SCCPDH: variants seen among roughly 807,000 people sequenced by gnomAD.
SCCPDH encodes the protein saccharopine dehydrogenase (putative).
In SCCPDH, 34 loss-of-function variants were observed where a neutral mutation model predicts 51.5. That is an observed-to-expected ratio of 0.66 (90% CI 0.50 to 0.88). SCCPDH has a LOEUF of 0.88. Among genes scored for constraint, SCCPDH ranks in the 40% least tolerant of loss-of-function variants. SCCPDH has a pLI of 0.00. For synonymous variants in SCCPDH, 187 were observed against 191.3 expected, an observed-to-expected ratio of 0.98 and a Z score of 0.19; for missense variants, 464 against 527.1, an observed-to-expected ratio of 0.88 and a Z score of 1.17.
chr1:246,751,807 T>A (rs181078535), intron 5 of SCCPDH, among the ~76,000 whole-genome samples: 5 of 146,416 alleles, frequency 3.4e-5, no homozygotes, highest in African/African-American at 1.0e-4. Flanking sequence ...GGAGTCTCGC[T>A]CTGTCGCCCA....
At chr1:246,764,818 C>T (rs1298855818) in intron 10 of SCCPDH, among the ~76,000 whole-genome samples, 1 of 152,228 alleles carries the variant, frequency 6.6e-6, no homozygotes, top group East Asian at 1.9e-4. Context: ...TTGCCCAAAA[C>T]GTTCAAGAAC....
intron 5 of SCCPDH, among the ~76,000 whole-genome samples, chr1:246,756,289 G>C (rs1027296806): frequency 6.6e-6 from 1 of 152,156 alleles, no homozygotes; most frequent in Non-Finnish European, 1.5e-5. Flanking sequence ...ACTGTTTAGG[G>C]ATGAATTCTT....
chr1:246,750,488 C>G (rs892112192), intron 5 of SCCPDH, among the ~76,000 whole-genome samples: 1 of 152,164 alleles, frequency 6.6e-6, no homozygotes, highest in African/African-American at 2.4e-5. Flanking sequence ...AGTCTCTAGA[C>G]TAATTTGGTT....
In SCCPDH at chr1:246,767,385, C is replaced by G. The variant is rs982902623; in HGVS notation, c.*85C>G. On this transcript the variant is annotated 3_prime_UTR_variant, in exon 12 of 12. Transcript: ENST00000366510. ...ATTTGAAATTCTTCTGTAAGCCTGT[C>G]TGAGTGTATGTGGAAACGATTGTCA... is the stretch of plus-strand genomic sequence containing the variant. The G allele has an allele frequency of 2.2e-5, 16 of 713,858 alleles. No homozygotes were observed. Among genetic ancestry groups the G allele is most frequent in the Admixed American group, 3.4e-5 (1 of 29,088 alleles). 44.2% of individuals were successfully genotyped at this position (713,858 alleles called of 1,614,324 possible).
chr1:246,748,964 C>T (rs1668810661), intron 5 of SCCPDH, among the ~76,000 whole-genome samples: 1 of 152,192 alleles, frequency 6.6e-6, no homozygotes, highest in Non-Finnish European at 1.5e-5. Context: ...TTCACTGCAC[C>T]CTGTTAAGTC....
chr1:246,765,881 G>C (rs4926450), intron 10 of SCCPDH, among the ~76,000 whole-genome samples, 177 bp from the exon 11 acceptor site: 16,966 of 152,226 alleles, frequency 0.11, 1,836 homozygotes, highest in African/African-American at 0.27. Context: ...ACTTAGTACA[G>C]TTCCTAACAC....
At chr1:246,735,148 A>C (rs1339208619) in intron 2 of SCCPDH, among the ~76,000 whole-genome samples, 2 of 152,156 alleles carry the variant, frequency 1.3e-5, no homozygotes, top group African/African-American at 4.8e-5. Context: ...ATCCTGTTTA[A>C]AATTCTTCTG....
At chr1:246,755,453 A>C (rs1668916329) in intron 5 of SCCPDH, 1 of 152,092 alleles carries the variant, frequency 6.6e-6, no homozygotes, top group Admixed American at 6.5e-5. Flanking sequence ...TTTTCCTATC[A>C]TTTTTCTTTT....
chr1:246,725,779 A>T (rs1668389008), intron 1 of SCCPDH, among the ~76,000 whole-genome samples: 1 of 152,200 alleles, frequency 6.6e-6, no homozygotes. Flanking sequence ...GGTACAGCCT[A>T]GTCACTTATC....
At chr1:246,748,207 G>C (rs75005841) in intron 5 of SCCPDH, among the ~76,000 whole-genome samples, 2 of 152,030 alleles carry the variant, frequency 1.3e-5, no homozygotes, top group Non-Finnish European at 2.9e-5. Flanking sequence ...ACTAGCCCAC[G>C]GATGCACGGT....
intron 1 of SCCPDH, 85 bp downstream of exon 1, chr1:246,724,697 G>T (rs1668360659): frequency 1.6e-6 from 2 of 1,240,186 alleles, no homozygotes; most frequent in Non-Finnish European, 2.1e-6. Context: ...CTCCCGCAGG[G>T]ATGCGCCCTA....
chr1:246,729,209 G>T (rs531466404), intron 2 of SCCPDH, among the ~76,000 whole-genome samples: 2 of 152,204 alleles, frequency 1.3e-5, no homozygotes, highest in African/African-American at 4.8e-5. Context: ...TCCATGTCCC[G>T]CTGGGCACGC....
intron 6 of SCCPDH, among the ~76,000 whole-genome samples, chr1:246,758,746 A>G (rs1054316674): frequency 6.6e-6 from 1 of 152,070 alleles, no homozygotes; most frequent in Admixed American, 6.6e-5. Context: ...ATTTTAGTTT[A>G]GTTTTATACT....
At chr1:246,745,807 G>A (rs1452575796) in intron 5 of SCCPDH, among the ~76,000 whole-genome samples, 4 of 152,086 alleles carry the variant, frequency 2.6e-5, no homozygotes, top group African/African-American at 7.2e-5. Context: ...CTCAGACACC[G>A]AGTTAAAGAA....
rs1344175956 is a variant in SCCPDH, at chr1:246,724,502, T to C, written c.80T>C (p.Val27Ala). 12 of 1,575,982 alleles carry C rather than the reference T, an allele frequency of 7.6e-6. No homozygotes were observed. The East Asian group carries it at 2.9e-4, about 38-fold the overall frequency. ...GFTGQFVTEE[V>A]AREQVDPERS... ...ACCGGCCAGTTCGTGACCGAGGAGG[T>C]GGCCCGGGAGCAGGTGGACCCGGAG... The change falls in exon 1 of 12, where the codon GTG (valine) becomes GCG (alanine). Residue 27 changes from valine to alanine, a missense_variant. By Grantham distance (64) the Val-to-Ala change is moderately conservative. Transcript: ENST00000366510.
At chr1:246,748,769 A>G (rs570805846) in intron 5 of SCCPDH, among the ~76,000 whole-genome samples, 1 of 152,210 alleles carries the variant, frequency 6.6e-6, no homozygotes, top group African/African-American at 2.4e-5. Flanking sequence ...CACTTCTTTT[A>G]TGATTTTCTT....
chr1:246,728,037 C>G (rs909779423), intron 2 of SCCPDH, among the ~76,000 whole-genome samples: 1 of 63,172 alleles, frequency 1.6e-5, no homozygotes, highest in Admixed American at 1.5e-4. Context: ...GCCCTGGGGT[C>G]GTAGTGGTGC....
At chr1:246,730,377 C>T (rs1668475448) in intron 2 of SCCPDH, among the ~76,000 whole-genome samples, 1 of 152,234 alleles carries the variant, frequency 6.6e-6, no homozygotes, top group Admixed American at 6.5e-5. Flanking sequence ...TCCTCGTCTC[C>T]TCCACTGCGT....
At position 246,767,276 on chromosome 1, in the gene SCCPDH, T is replaced by G. The variant is rs377518398; in HGVS notation, c.1266T>G (p.Ser422Arg). 2.5e-6 allele frequency: 4 copies of G among 1,605,800 alleles called. No homozygotes were observed. The highest frequency in any genetic ancestry group is 1.3e-5 in the African/African-American group (1 of 74,592). ...TCAACAAACACGGTATTGAGTTTAGTGTTATTAGCAGCTCTGAAGTCTAAA... is the reference window on the plus strand; with the variant it reads ...TCAACAAACACGGTATTGAGTTTAGGGTTATTAGCAGCTCTGAAGTCTAAA... Reference protein sequence around the residue: ...DRLNKHGIEFSVISSSEV With the variant: ...DRLNKHGIEFRVISSSEV The change falls in exon 12 of 12, where the codon AGT (serine) becomes AGG (arginine). Residue 422 changes from serine (S) to arginine (R), a missense_variant. Coordinates refer to ENST00000366510, the MANE Select transcript of SCCPDH (RefSeq NM_016002.3).
Sources: allele counts gnomAD v4.1 joint callset (sites outside exome capture counted in the v4.1 genomes callset), GRCh38; gene constraint gnomAD v4.1.1; transcripts MANE v1.5; gene names NCBI Gene and HGNC (gene_info 2026-07-23, HGNC 2026-07-21).